A2M: variants seen among roughly 807,000 people sequenced by gnomAD.
A2M encodes alpha-2-macroglobulin.
In A2M, 128 loss-of-function variants were observed where a neutral mutation model predicts 183.9. The observed-to-expected ratio is 0.70, with a 90% CI of 0.60 to 0.81. The LOEUF (loss-of-function observed/expected upper bound fraction) is 0.81, where lower values mean the gene tolerates loss of function less well. Among genes scored for constraint, A2M ranks in the 30% least tolerant of loss-of-function variants. The pLI is 0.00. For missense variants in A2M, 1,495 were observed against 1,787.6 expected (o/e 0.84, Z 2.95); for synonymous variants, 592 against 670.8 (o/e 0.88, Z 1.81).
At position 9,110,033 on chromosome 12, in the gene A2M, A is replaced by G. The variant is rs779415417; in HGVS notation, c.507T>C (p.Asp169=). The G allele has an allele frequency of 5.0e-6, 8 of 1,608,630 alleles. No homozygotes were observed. The highest frequency in any genetic ancestry group is 6.8e-6 in the Non-Finnish European group (8 of 1,178,242). ...NELIPLVYIQ[D]PKGNRIAQWQ... ...ATTGTGCGATGCGATTTCCTTTGGG[A>G]TCCTATATGAGTAAATTAATTATAA... Residue 169 remains aspartate, a splice_region_variant and synonymous_variant, in exon 6 of 36, where the codon GAT becomes GAC. Transcript: ENST00000318602.
intron 22 of A2M, among the ~76,000 whole-genome samples, chr12:9,088,955 C>T (rs751615682): frequency 1.3e-5 from 2 of 152,294 alleles, no homozygotes; most frequent in East Asian, 3.9e-4. Context: ...ATACCATACA[C>T]TGGTCAGAAA....
chr12:9,095,466 A>G lies in A2M; in HGVS notation c.2013+73T>C, dbSNP rs148993273. 15 of 1,454,868 alleles carry G rather than the reference A, an allele frequency of 1.0e-5. No homozygotes were observed. In the East Asian group the frequency reaches 3.5e-4, roughly 34 times the overall value. The allele number at this position is 1,454,868 out of a possible 1,614,324, so 90.1% of individuals were successfully genotyped here. On this transcript the variant is annotated intron_variant, in intron 16 of 35. Coordinates refer to ENST00000318602, the MANE Select transcript of A2M (RefSeq NM_000014.6). ...CTCAACTAGGACATGAAGGCATTCA[A>G]ATACAGACTCTTTTCCATGTGTAAT...
intron 22 of A2M, among the ~76,000 whole-genome samples, chr12:9,087,684 G>A (rs1949089308): frequency 6.6e-6 from 1 of 151,968 alleles, no homozygotes; most frequent in Non-Finnish European, 1.5e-5. Context: ...AAGTATTTCA[G>A]GTTAGCTTGA....
At chr12:9,093,357 T>C in intron 18 of A2M, 108 bp downstream of exon 18, 1 of 722,354 alleles carries the variant, frequency 1.4e-6, no homozygotes, top group Non-Finnish European at 2.4e-6. Context: ...AAACATCATG[T>C]TGTACATCAT....
Position 9,112,426 on chromosome 12 carries a change from A to T in A2M, c.381T>A (p.Ser127Arg), listed in dbSNP as rs369090397. The T allele has an allele frequency of 8.1e-6, 13 of 1,613,868 alleles. No homozygotes were observed. Among genetic ancestry groups the T allele is most frequent in the Non-Finnish European group, 1.0e-5 (12 of 1,179,920 alleles). ...ATTTGTCTGTCTGGACAAAGACCAGACTGTCCTCGTTCTTAACCATCACTG... is the reference window on the plus strand; with the variant it reads ...ATTTGTCTGTCTGGACAAAGACCAGTCTGTCCTCGTTCTTAACCATCACTG... ...RTTVMVKNED[S>R]LVFVQTDKSI... The change falls in exon 3 of 36, where the codon AGT becomes AGA. Residue 127 changes from serine (S) to arginine (R), a missense_variant. Ser to Arg is a moderately radical substitution (Grantham distance 110). Coordinates refer to ENST00000318602, the MANE Select transcript of A2M (RefSeq NM_000014.6).
intron 34 of A2M, 120 bp downstream of exon 34, chr12:9,068,620 A>G: frequency 1.2e-6 from 1 of 818,898 alleles, no homozygotes; most frequent in South Asian, 1.6e-5. Context: ...GACTTGATGG[A>G]GACAAAATGA....
At chr12:9,112,821 A>G in intron 2 of A2M, 1 of 390,710 alleles carries the variant, frequency 2.6e-6, no homozygotes, top group Non-Finnish European at 4.7e-6. Context: ...GCTGAGCTTT[A>G]CCAGGCTGAT....
At chr12:9,111,527 T>G (rs183487772) in intron 4 of A2M, 121 of 456,540 alleles carry the variant, frequency 2.7e-4, no homozygotes, top group Non-Finnish European at 4.9e-4. Context: ...TGAATATATT[T>G]TAAGCCAACA....
At chr12:9,106,735 TA>T (rs11452860) in intron 8 of A2M, 130 bp from the exon 9 acceptor site, 1 of 471,520 alleles carries the variant, frequency 2.1e-6, no homozygotes, top group Admixed American at 3.6e-5. Flanking sequence ...GAGGACACAA[TA>T]AATATTCTCT....
intron 15 of A2M, among the ~76,000 whole-genome samples, chr12:9,096,263 G>A (rs1444707098): frequency 6.6e-6 from 1 of 152,076 alleles, no homozygotes; most frequent in Non-Finnish European, 1.5e-5. Flanking sequence ...GTACTACTTC[G>A]TTACACAGTT....
intron 4 of A2M, chr12:9,111,897 T>C (rs2137974569): frequency 1.8e-6 from 1 of 552,198 alleles, no homozygotes; most frequent in East Asian, 3.6e-5. Flanking sequence ...TGTATCTTTC[T>C]AATTGTCCTA....
intron 11 of A2M, among the ~76,000 whole-genome samples, chr12:9,103,458 T>C (rs1938042176): frequency 6.6e-6 from 1 of 152,198 alleles, no homozygotes; most frequent in South Asian, 2.1e-4. Flanking sequence ...ATCTTCATTA[T>C]TCTTTAGTGT....
intron 19 of A2M, 60 bp downstream of exon 19, chr12:9,091,141 A>C: frequency 6.4e-7 from 1 of 1,559,112 alleles, no homozygotes; most frequent in Admixed American, 1.7e-5. Flanking sequence ...ATTCCTAGGA[A>C]TGCAACTTTT....
intron 24 of A2M, 106 bp downstream of exon 24, chr12:9,079,533 T>G: frequency 1.7e-6 from 2 of 1,151,812 alleles, no homozygotes; most frequent in Non-Finnish European, 2.5e-6. Flanking sequence ...GCAGCTATCA[T>G]AGTGAGCTAA....
chr12:9,082,109 AC>A (rs1389584581), intron 22 of A2M, among the ~76,000 whole-genome samples: 1 of 152,126 alleles, frequency 6.6e-6, no homozygotes, highest in African/African-American at 2.4e-5. Flanking sequence ...AATATGCTTG[AC>A]CTGGGAGTCT....
At chr12:9,079,166 G>T in intron 25 of A2M, 78 bp downstream of exon 25, 3 of 1,082,394 alleles carry the variant, frequency 2.8e-6, no homozygotes, top group South Asian at 1.4e-5. Context: ...TGATAGTGTT[G>T]CTGTGAATAT....
intron 20 of A2M, 145 bp from the exon 21 acceptor site, chr12:9,090,168 G>T: frequency 7.3e-7 from 1 of 1,361,642 alleles, no homozygotes; most frequent in Non-Finnish European, 1.0e-6. Context: ...AATGAGAGGT[G>T]AATGATACTG....
chr12:9,090,654 A>G (rs1949183013), intron 19 of A2M, 172 bp from the exon 20 acceptor site: 4 of 647,074 alleles, frequency 6.2e-6, no homozygotes, highest in Non-Finnish European at 1.0e-5. Flanking sequence ...AATGTATCAG[A>G]TTTACACAGG....
chr12:9,077,862 C>T lies in A2M; in HGVS notation c.3120-5G>A, dbSNP rs968033935. On this transcript the variant is annotated splice_region_variant and splice_polypyrimidine_tract_variant and intron_variant, in intron 25 of 35. Coordinates refer to ENST00000318602, the MANE Select transcript of A2M (RefSeq NM_000014.6). ...TTCAGAACAAAGGCTGTGAGCCTGA[C>T]CAGGGAGGAAGCAATCATGATGTTT... 3 of 1,613,990 alleles carry T rather than the reference C, an allele frequency of 1.9e-6. No individual in the cohort carries two copies. The highest frequency in any genetic ancestry group is 1.7e-6 in the Non-Finnish European group (2 of 1,179,954).
Sources: allele counts gnomAD v4.1 joint callset (sites outside exome capture counted in the v4.1 genomes callset), GRCh38; gene constraint gnomAD v4.1.1; transcripts MANE v1.5; gene names NCBI Gene and HGNC (gene_info 2026-07-23, HGNC 2026-07-21).